The following LRRC37A3 variants were observed in gnomAD, a reference collection of about 807,000 sequenced individuals.
LRRC37A3 encodes leucine-rich repeat-containing protein 37A3.
A neutral mutation model predicts 106.2 loss-of-function variants in LRRC37A3; 25 were observed. The observed-to-expected ratio is 0.24, with a 90% CI of 0.17 to 0.33. The LOEUF (loss-of-function observed/expected upper bound fraction) is 0.33. Ranked by LOEUF, LRRC37A3 falls within the 10% of genes least tolerant of loss-of-function variation. The pLI, the probability that LRRC37A3 is intolerant of heterozygous loss-of-function variation, is 1.00. For synonymous variants in LRRC37A3, 305 were observed against 635.8 expected (o/e 0.48, Z 7.83); for missense variants, 712 against 1,644.9 (o/e 0.43, Z 9.81).
rs1246943503 is a variant in LRRC37A3 at position 64,860,519 on chromosome 17, T to C, written c.3627A>G (p.Pro1209=). ...GAGGCTGTTTCAGCTCCCTTGGGGC[T>C]GGACTTCCGAGCCTTTTTTCTTCGG... ...NTAEEKRLGS[P]APRELKQPHT... Residue 1209 remains proline (P), a synonymous_variant, in exon 12 of 15, where the codon CCA becomes CCG. Coordinates refer to ENST00000584306, the MANE Select transcript of LRRC37A3 (RefSeq NM_199340.5). The C allele has an allele frequency of 6.2e-7, 1 of 1,612,812 alleles. No homozygotes were observed. The highest frequency in any genetic ancestry group is 8.5e-7 in the Non-Finnish European group (1 of 1,179,870).
chr17:64,870,920 A>C (rs1455858468), intron 8 of LRRC37A3, among the ~76,000 whole-genome samples: 1 of 150,110 alleles, frequency 6.7e-6, no homozygotes, highest in Non-Finnish European at 1.5e-5. Context: ...ACCAGGCTGG[A>C]GTGCAGTGGT....
At chr17:64,917,258 A>AC (rs1974726692) in intron 2 of LRRC37A3, among the ~76,000 whole-genome samples, 5 of 151,426 alleles carry the variant, frequency 3.3e-5, no homozygotes, top group African/African-American at 7.3e-5. Flanking sequence ...AAAAAAAAAA[A>AC]AAAAAAAAAA....
chr17:64,854,921 T>G (rs1186096892), intron 14 of LRRC37A3, among the ~76,000 whole-genome samples: 7 of 152,236 alleles, frequency 4.6e-5, no homozygotes, highest in Non-Finnish European at 1.0e-4. Flanking sequence ...CCCTGCAACC[T>G]GCGCCTCCTG....
chr17:64,880,991 G>C, intron 8 of LRRC37A3: 1 of 628,756 alleles, frequency 1.6e-6, no homozygotes, highest in Non-Finnish European at 2.8e-6. Context: ...TCCCAAGGCT[G>C]TCAGGGAAAA....
At chr17:64,868,868 A>C (rs1973209379) in intron 9 of LRRC37A3, among the ~76,000 whole-genome samples, 2 of 152,060 alleles carry the variant, frequency 1.3e-5, no homozygotes, top group Non-Finnish European at 2.9e-5. Context: ...ATGTGTCTAC[A>C]TGTTGCAAAT....
At chr17:64,917,554 A>G (rs1490062194) in intron 2 of LRRC37A3, among the ~76,000 whole-genome samples, 1 of 152,030 alleles carries the variant, frequency 6.6e-6, no homozygotes, top group Non-Finnish European at 1.5e-5. Flanking sequence ...GCACTGTGAT[A>G]CACTCATATA....
rs552752340 is a variant in LRRC37A3 at position 64,917,073 on chromosome 17, G to A, written c.-496+1677C>T. On this transcript the variant is annotated intron_variant, in intron 2 of 14. Transcript: ENST00000584306. The stretch of plus-strand genomic sequence containing the variant: ...ATCCTCGCTAACATGGTGAAACCCC[G>A]TCTCTACTAAATATACACAAAAATT... 7.7e-3 allele frequency among the ~76,000 whole-genome samples: 1,173 copies of A among 151,398 alleles called. 8 individuals carry two copies. The highest frequency in any genetic ancestry group is 0.012 in the Non-Finnish European group (801 of 67,834).
At chr17:64,912,144 CAGGTCATA>C (rs1348877112) in intron 2 of LRRC37A3, among the ~76,000 whole-genome samples, 1 of 129,168 alleles carries the variant, frequency 7.7e-6, no homozygotes, top group Non-Finnish European at 1.6e-5. Flanking sequence ...TCAAGGAAAT[CAGGTCATA>C]AGTGGCAACA....
intron 2 of LRRC37A3, among the ~76,000 whole-genome samples, chr17:64,917,977 A>C (rs1245047496): frequency 8.1e-5 from 12 of 149,028 alleles, no homozygotes; most frequent in Non-Finnish European, 1.6e-4. Flanking sequence ...TCAAAACTAA[A>C]TAAATAAAGT....
intron 5 of LRRC37A3, among the ~76,000 whole-genome samples, chr17:64,891,031 C>T (rs191127333): frequency 9.6e-6 from 1 of 103,966 alleles, no homozygotes; most frequent in Non-Finnish European, 1.8e-5. Context: ...TGAGCCACCG[C>T]GCCTAGCATA....
In LRRC37A3 at chr17:64,860,149, G is replaced by A. The variant is rs777500248; in HGVS notation, c.3997C>T (p.Leu1333=). The change falls in exon 12 of 15, where the codon CTG becomes TTG. Residue 1333 remains leucine, a synonymous_variant. Transcript: ENST00000584306. ...CTGTTTGAGAGCATCAGTCTACTCA[G>A]ATAACTTTTCTTTCTGACCTTTGGA... ...KSPKVRKKSY[L]SRLMLSNRLP... is the part of the protein sequence containing the mutation. 3.7e-6 allele frequency: 6 copies of A among 1,613,972 alleles called. No individual in the cohort carries two copies. Among genetic ancestry groups the A allele is most frequent in the Non-Finnish European group, 4.2e-6 (5 of 1,179,864 alleles).
rs532670145 is a variant in LRRC37A3, at chr17:64,917,321, T to C, written c.-496+1429A>G. ...GATACAGAGCAACCGGAACTCTTCA[T>C]ACATTTGCAGGTAAGAATGCAAAAT... On this transcript the variant is annotated intron_variant, in intron 2 of 14. Coordinates refer to ENST00000584306, the MANE Select transcript of LRRC37A3 (RefSeq NM_199340.5). Among the ~76,000 whole-genome samples, 245 of 145,306 alleles carry C rather than the reference T, an allele frequency of 1.7e-3. 5 individuals carry two copies. Among genetic ancestry groups the C allele is most frequent in the Non-Finnish European group, 4.5e-4 (30 of 66,776 alleles).
At chr17:64,857,594 G>A (rs1409367608) in intron 13 of LRRC37A3, among the ~76,000 whole-genome samples, 2 of 152,110 alleles carry the variant, frequency 1.3e-5, no homozygotes, top group East Asian at 1.9e-4. Context: ...AGGCTCAAGC[G>A]ATCCTCCCAC....
intron 2 of LRRC37A3, among the ~76,000 whole-genome samples, chr17:64,917,441 TTGTGTTCAGACAAA>T (rs1445707419): frequency 6.6e-6 from 1 of 151,764 alleles, no homozygotes; most frequent in Non-Finnish European, 1.5e-5. Context: ...GAAACAAGAA[TTGTGTTCAGACAAA>T]AAACATTATG....
At chr17:64,890,162 AC>A (rs1973913652) in intron 5 of LRRC37A3, among the ~76,000 whole-genome samples, 2 of 128,892 alleles carry the variant, frequency 1.6e-5, no homozygotes, top group South Asian at 2.3e-4. Flanking sequence ...AAGCCATTCA[AC>A]CTTTTTCCCC....
chr17:64,869,331 A>G (rs924614833), intron 8 of LRRC37A3, among the ~76,000 whole-genome samples, 165 bp from the exon 9 acceptor site: 6 of 152,094 alleles, frequency 3.9e-5, no homozygotes, highest in African/African-American at 1.4e-4. Flanking sequence ...CACTATTCCT[A>G]TGGGAACTAC....
At chr17:64,868,148 T>G (rs999289927) in intron 10 of LRRC37A3, among the ~76,000 whole-genome samples, 2 of 152,164 alleles carry the variant, frequency 1.3e-5, no homozygotes, top group Non-Finnish European at 2.9e-5. Flanking sequence ...ATTTCATTTA[T>G]AAGACATTCT....
chr17:64,877,271 G>A lies in LRRC37A3; in HGVS notation c.2907-8105C>T, dbSNP rs1405452066. 3.3e-5 allele frequency among the ~76,000 whole-genome samples: 5 copies of A among 152,080 alleles called. No individual in the cohort carries two copies. In the East Asian group the frequency reaches 5.8e-4, roughly 18 times the overall value. ...GGCTTGAGTGCAATGGCGTGACCTC[G>A]GCTTACTGCAACCTCCACCTCCCGG... On this transcript the variant is annotated intron_variant, in intron 8 of 14. Coordinates refer to ENST00000584306, the MANE Select transcript of LRRC37A3 (RefSeq NM_199340.5).
chr17:64,879,926 G>T (rs1973640400), intron 8 of LRRC37A3, among the ~76,000 whole-genome samples: 1 of 152,178 alleles, frequency 6.6e-6, no homozygotes, highest in Admixed American at 6.5e-5. Flanking sequence ...CAAAAATAAT[G>T]ACTGTAAGGC....
Sources: allele counts gnomAD v4.1 joint callset (sites outside exome capture counted in the v4.1 genomes callset), GRCh38; gene constraint gnomAD v4.1.1; transcripts MANE v1.5; gene names NCBI Gene and HGNC (gene_info 2026-07-23, HGNC 2026-07-21).